The following SLC35D1 variants were observed in gnomAD, a reference collection of about 807,000 sequenced individuals.
SLC35D1 encodes nucleotide sugar transporter SLC35D1.
Under a neutral mutation model 46.7 loss-of-function variants are expected in SLC35D1, and 31 were observed. The observed-to-expected ratio is 0.66, with a 90% CI of 0.50 to 0.90. The LOEUF (loss-of-function observed/expected upper bound fraction) is 0.90. Among genes scored for constraint, SLC35D1 ranks in the 40% least tolerant of loss-of-function variants. The pLI, the probability that SLC35D1 is intolerant of heterozygous loss-of-function variation, is 0.00. For missense variants in SLC35D1, 397 were observed against 426.2 expected, an observed-to-expected ratio of 0.93 and a Z score of 0.60; for synonymous variants, 195 against 164.6, an observed-to-expected ratio of 1.18 and a Z score of -1.41.
At chr1:66,988,698 C>T in the SLC35D1 span, 11 of 152,316 alleles carry the variant, frequency 7.2e-5, no homozygotes, top group Admixed American at 4.6e-4. Flanking sequence ...GCCATGTAAA[C>T]GAGATGAGAT....
the SLC35D1 span, among the ~76,000 whole-genome samples, chr1:66,977,111 TTC>T: frequency 1.3e-5 from 2 of 151,926 alleles, no homozygotes; most frequent in African/African-American, 4.8e-5. Flanking sequence ...AGTTTTAATC[TTC>T]TTTTTTTTTT....
chr1:67,051,917 C>A, intron 4 of SLC35D1, 95 bp downstream of exon 4: 1 of 890,096 alleles, frequency 1.1e-6, no homozygotes, highest in East Asian at 2.5e-5. Flanking sequence ...CATTTTTTTC[C>A]AGAATCAATA....
At chr1:66,984,560 C>T in the SLC35D1 span, 3 of 1,538,184 alleles carry the variant, frequency 2.0e-6, no homozygotes, top group South Asian at 1.2e-5. Context: ...ATTTATATTT[C>T]TTTCAACTTA....
chr1:66,977,076 A>G, the SLC35D1 span, among the ~76,000 whole-genome samples: 2 of 151,980 alleles, frequency 1.3e-5, no homozygotes, highest in African/African-American at 4.8e-5. Context: ...TCTTAAATTC[A>G]GTTCCATTCA....
At chr1:67,039,544 T>C (rs1225677188) in intron 8 of SLC35D1, among the ~76,000 whole-genome samples, 1 of 138,684 alleles carries the variant, frequency 7.2e-6, no homozygotes, top group East Asian at 2.2e-4. Flanking sequence ...GTATTCTTAT[T>C]TTTCTTTTTA....
rs190862171 is a variant in SLC35D1 at position 67,020,173 on chromosome 1, C to G, written c.876+196G>C. Reference sequence around the variant, plus strand: ...TTTTCCCATGCTCTTCAGAGCTAAGCTGCCTCCAAGTAGAGACTATGCCCT... The same window carrying G: ...TTTTCCCATGCTCTTCAGAGCTAAGGTGCCTCCAAGTAGAGACTATGCCCT... On this transcript the variant is annotated intron_variant, in intron 10 of 11. Coordinates refer to ENST00000235345, the MANE Select transcript of SLC35D1 (RefSeq NM_015139.3). Among the ~76,000 whole-genome samples, 445 of 152,302 alleles carry G rather than the reference C, an allele frequency of 2.9e-3. 2 individuals are homozygous for G. Among genetic ancestry groups the G allele is most frequent in the Middle Eastern group, 0.014 (4 of 294 alleles).
At chr1:67,010,324 C>G (rs920615232) in intron 10 of SLC35D1, among the ~76,000 whole-genome samples, 4 of 152,102 alleles carry the variant, frequency 2.6e-5, no homozygotes, top group African/African-American at 9.7e-5. Context: ...CACATGCACC[C>G]CCAGAACCTA....
chr1:66,976,834 A>C, the SLC35D1 span: 2 of 895,626 alleles, frequency 2.2e-6, no homozygotes, highest in African/African-American at 3.4e-5. Flanking sequence ...CTTGATCTTA[A>C]CCAGAAGGCC....
At chr1:66,987,659 T>TAAAC in the SLC35D1 span, 1 of 152,802 alleles carries the variant, frequency 6.5e-6, no homozygotes, top group East Asian at 1.9e-4. Flanking sequence ...AATATTTTTT[T>TAAAC]AAACATATTT....
At chr1:66,974,437 TTGTTG>T in the SLC35D1 span, among the ~76,000 whole-genome samples, 1 of 149,022 alleles carries the variant, frequency 6.7e-6, no homozygotes, top group Non-Finnish European at 1.5e-5. Flanking sequence ...TTTTTTTTTG[TTGTTG>T]TTGTTGTTGT....
At chr1:67,039,297 T>A (rs1052639660) in intron 8 of SLC35D1, among the ~76,000 whole-genome samples, 1 of 152,206 alleles carries the variant, frequency 6.6e-6, no homozygotes, top group Non-Finnish European at 1.5e-5. Flanking sequence ...ATAAAAACTA[T>A]CTTTTCCTTA....
chr1:67,047,226 A>G (rs770199802), intron 7 of SLC35D1, 39 bp downstream of exon 7: 1 of 1,493,044 alleles, frequency 6.7e-7, no homozygotes, highest in East Asian at 2.3e-5. Flanking sequence ...ACATGCCAAC[A>G]TCAGTACACA....
At chr1:67,042,386 T>C in intron 7 of SLC35D1, 58 bp from the exon 8 acceptor site, 1 of 1,395,736 alleles carries the variant, frequency 7.2e-7, no homozygotes, top group South Asian at 1.2e-5. Context: ...GATACAACAC[T>C]GTACAAAATA....
chr1:66,988,229 A>G, the SLC35D1 span: 3 of 152,326 alleles, frequency 2.0e-5, no homozygotes, highest in Non-Finnish European at 2.9e-5. Flanking sequence ...GGAGTTTCCA[A>G]ATTTTAACCT....
the SLC35D1 span, among the ~76,000 whole-genome samples, chr1:66,989,277 A>G: frequency 6.6e-6 from 1 of 152,302 alleles, no homozygotes; most frequent in East Asian, 1.9e-4. Flanking sequence ...GCCTGGTTAT[A>G]GAACATTCAC....
chr1:66,982,100 T>G, the SLC35D1 span, among the ~76,000 whole-genome samples: 1 of 152,220 alleles, frequency 6.6e-6, no homozygotes, highest in Non-Finnish European at 1.5e-5. Context: ...TGATTGGACA[T>G]CACTAAAAAG....
downstream of SLC35D1, among the ~76,000 whole-genome samples, chr1:66,997,519 A>ATATATATATATATATATATATATATATAT (rs1553262616): frequency 1.4e-5 from 1 of 74,028 alleles, no homozygotes; most frequent in African/African-American, 5.0e-5. Context: ...AAAAAAAAAA[A>ATATATATATATATATATATATATATATAT]ATATATATAT....
At chr1:67,036,297 T>C (rs528150171) in intron 8 of SLC35D1, among the ~76,000 whole-genome samples, 22 of 152,198 alleles carry the variant, frequency 1.4e-4, no homozygotes, top group Non-Finnish European at 2.9e-4. Flanking sequence ...TTCCAGCTAT[T>C]ACTGTATTGG....
At chr1:67,027,963 C>T (rs112066465) in intron 8 of SLC35D1, among the ~76,000 whole-genome samples, 11,853 of 152,188 alleles carry the variant, frequency 0.078, 603 homozygotes, top group African/African-American at 0.14. Flanking sequence ...AACTCCTGAC[C>T]TCAAGTGATC....
Sources: allele counts gnomAD v4.1 joint callset (sites outside exome capture counted in the v4.1 genomes callset), GRCh38; gene constraint gnomAD v4.1.1; transcripts MANE v1.5; gene names NCBI Gene and HGNC (gene_info 2026-07-23, HGNC 2026-07-21).